The following GLRA3 variants were observed in gnomAD, a reference collection of about 807,000 sequenced individuals.
GLRA3 encodes glycine receptor alpha 3, also known as glycine receptor subunit alpha-3.
GLRA3 carries 44 observed loss-of-function variants against 60.4 expected under a neutral mutation model. That is an observed-to-expected ratio of 0.73 (90% CI 0.57 to 0.94). The LOEUF (loss-of-function observed/expected upper bound fraction) is 0.94. Ranked by LOEUF, GLRA3 falls within the 40% of genes least tolerant of loss-of-function variation. GLRA3 has a pLI of 0.00. For synonymous variants in GLRA3, 223 were observed against 192.9 expected, an observed-to-expected ratio of 1.16 and a Z score of -1.29; for missense variants, 508 against 564.6, an observed-to-expected ratio of 0.90 and a Z score of 1.02.
intron 2 of GLRA3, among the ~76,000 whole-genome samples, chr4:174,778,092 C>A (rs1469059912): frequency 1.3e-5 from 2 of 151,932 alleles, no homozygotes; most frequent in Non-Finnish European, 1.5e-5. Context: ...ATTATTAAGT[C>A]TTCCCTTAAT....
intron 3 of GLRA3, among the ~76,000 whole-genome samples, chr4:174,752,764 T>G (rs974383767): frequency 6.6e-6 from 1 of 152,150 alleles, no homozygotes; most frequent in African/African-American, 2.4e-5. Context: ...ATTTTCAGTT[T>G]ATCTTCTTAA....
At chr4:174,698,928 T>C (rs1483373784) in intron 5 of GLRA3, among the ~76,000 whole-genome samples, 2 of 152,174 alleles carry the variant, frequency 1.3e-5, no homozygotes, top group Non-Finnish European at 2.9e-5. Context: ...CTGTAAATCA[T>C]TTATTATTAT....
intron 3 of GLRA3, among the ~76,000 whole-genome samples, chr4:174,750,834 T>C (rs1737444558): frequency 6.6e-6 from 1 of 152,078 alleles, no homozygotes; most frequent in South Asian, 2.1e-4. Context: ...CCCACTTGTT[T>C]TGAATAATCA....
intron 1 of GLRA3, among the ~76,000 whole-genome samples, chr4:174,823,708 C>T (rs761094114): frequency 6.6e-6 from 1 of 152,010 alleles, no homozygotes; most frequent in Non-Finnish European, 1.5e-5. Context: ...CTGAAAATGT[C>T]CTGAGAAAAC....
chr4:174,820,577 C>T (rs918892941), intron 1 of GLRA3, among the ~76,000 whole-genome samples: 2 of 152,124 alleles, frequency 1.3e-5, no homozygotes. Context: ...CTCACCTAGA[C>T]TTTAGGGAGA....
intron 1 of GLRA3, among the ~76,000 whole-genome samples, chr4:174,790,381 A>AT (rs549284627): frequency 1.2e-3 from 176 of 148,866 alleles, no homozygotes; most frequent in African/African-American, 4.1e-3. Context: ...AATAATAAAT[A>AT]TATTTTTTTA....
At chr4:174,825,617 CA>C (rs1191515400) in intron 1 of GLRA3, among the ~76,000 whole-genome samples, 1 of 151,952 alleles carries the variant, frequency 6.6e-6, no homozygotes, top group Non-Finnish European at 1.5e-5. Context: ...ATCTGCATTT[CA>C]AAGAAAGCTG....
intron 1 of GLRA3, among the ~76,000 whole-genome samples, chr4:174,805,060 GCTTC>G (rs1739981234): frequency 6.6e-6 from 1 of 152,124 alleles, no homozygotes. Flanking sequence ...CCCTGTGCAA[GCTTC>G]CAGCTTGCTT....
intron 1 of GLRA3, among the ~76,000 whole-genome samples, chr4:174,818,779 T>C (rs912630533): frequency 2.6e-5 from 4 of 152,148 alleles, no homozygotes; most frequent in Admixed American, 6.5e-5. Context: ...AGAGGTCCAT[T>C]TATTTGTGCT....
chr4:174,707,023 A>G (rs1158563384), intron 5 of GLRA3, among the ~76,000 whole-genome samples: 1 of 152,190 alleles, frequency 6.6e-6, no homozygotes, highest in African/African-American at 2.4e-5. Flanking sequence ...TAGAATATTA[A>G]GGGATACTAT....
At chr4:174,753,223 C>T (rs533090764) in intron 3 of GLRA3, among the ~76,000 whole-genome samples, 11 of 152,222 alleles carry the variant, frequency 7.2e-5, no homozygotes, top group African/African-American at 2.4e-4. Flanking sequence ...TGTTTGAATC[C>T]TTCTGAAGCA....
intron 3 of GLRA3, among the ~76,000 whole-genome samples, chr4:174,756,746 G>A (rs1006654957): frequency 5.3e-5 from 8 of 150,912 alleles, no homozygotes; most frequent in African/African-American, 2.0e-4. Flanking sequence ...CCGGGTTCAC[G>A]CCATTCTCCT....
intron 1 of GLRA3, among the ~76,000 whole-genome samples, chr4:174,804,211 G>C (rs1739939588): frequency 6.6e-6 from 1 of 152,100 alleles, no homozygotes; most frequent in African/African-American, 2.4e-5. Flanking sequence ...GGAAAATGTT[G>C]AACAGACAGG....
At chr4:174,703,735 C>A (rs1335921897) in intron 5 of GLRA3, among the ~76,000 whole-genome samples, 1 of 152,152 alleles carries the variant, frequency 6.6e-6, no homozygotes, top group African/African-American at 2.4e-5. Flanking sequence ...AAATAGAAAA[C>A]TGAGCCTCTG....
intron 7 of GLRA3, among the ~76,000 whole-genome samples, chr4:174,670,533 A>C (rs1202148929): frequency 6.6e-6 from 1 of 152,188 alleles, no homozygotes; most frequent in Non-Finnish European, 1.5e-5. Flanking sequence ...TAGTCTCCAA[A>C]TTGCAAACAT....
intron 5 of GLRA3, among the ~76,000 whole-genome samples, chr4:174,694,113 A>G (rs1488820722): frequency 6.6e-6 from 1 of 152,150 alleles, no homozygotes; most frequent in Admixed American, 6.5e-5. Context: ...CTACAAAGAG[A>G]AACAGACTCC....
intron 1 of GLRA3, among the ~76,000 whole-genome samples, chr4:174,792,313 G>A (rs1365506174): frequency 6.6e-6 from 1 of 152,022 alleles, no homozygotes; most frequent in Non-Finnish European, 1.5e-5. Context: ...CTCCCTTGTT[G>A]GCTTGTAGAT....
At chr4:174,684,586 T>A (rs1421823944) in intron 5 of GLRA3, among the ~76,000 whole-genome samples, 2 of 152,130 alleles carry the variant, frequency 1.3e-5, no homozygotes, top group African/African-American at 2.4e-5. Flanking sequence ...ACAAAATGAG[T>A]CAAAAGTGAA....
intron 5 of GLRA3, among the ~76,000 whole-genome samples, chr4:174,690,303 A>G (rs1012759053): frequency 6.6e-6 from 1 of 152,140 alleles, no homozygotes; most frequent in Non-Finnish European, 1.5e-5. Context: ...TCATGTTAGT[A>G]TTTTCATTTA....
Sources: allele counts gnomAD v4.1 joint callset (sites outside exome capture counted in the v4.1 genomes callset), GRCh38; gene constraint gnomAD v4.1.1; transcripts MANE v1.5; gene names NCBI Gene and HGNC (gene_info 2026-07-23, HGNC 2026-07-21).